Variants in KDM2B observed in about 807,000 individuals in gnomAD.
The protein encoded by KDM2B is lysine-specific demethylase 2B.
KDM2B carries 26 observed loss-of-function variants against 150.0 expected under a neutral mutation model. The observed-to-expected ratio is 0.17, with a 90% CI of 0.13 to 0.24. The LOEUF (loss-of-function observed/expected upper bound fraction) is 0.24. KDM2B is among the 10% of genes least tolerant of loss of function. KDM2B has a pLI of 1.00. For synonymous variants in KDM2B, 734 were observed against 729.5 expected, an observed-to-expected ratio of 1.01 and a Z score of -0.10; for missense variants, 1,265 against 1,816.9, an observed-to-expected ratio of 0.70 and a Z score of 5.52.
At chr12:121,493,240 C>A (rs1883555960) in intron 12 of KDM2B, among the ~76,000 whole-genome samples, 1 of 151,454 alleles carries the variant, frequency 6.6e-6, no homozygotes, top group African/African-American at 2.4e-5. Context: ...AAAAAAACCC[C>A]AAAAAAATCA....
At chr12:121,414,260 A>T in the KDM2B span, among the ~76,000 whole-genome samples, 1 of 152,256 alleles carries the variant, frequency 6.6e-6, no homozygotes, top group Non-Finnish European at 1.5e-5. Flanking sequence ...CTCGACTTCC[A>T]TTACCTATCA....
intron 4 of KDM2B, among the ~76,000 whole-genome samples, chr12:121,564,285 G>A (rs953583928): frequency 4.0e-5 from 6 of 151,506 alleles, no homozygotes; most frequent in Non-Finnish European, 5.9e-5. Context: ...GTGAAACCCC[G>A]TCTCTACTAA....
At chr12:121,421,371 T>TAAAAAAAAA in the KDM2B span, among the ~76,000 whole-genome samples, 4 of 46,364 alleles carry the variant, frequency 8.6e-5, no homozygotes, top group Non-Finnish European at 1.8e-4. Context: ...ATCCCATCTC[T>TAAAAAAAAA]AAAAAAAAAA....
At chr12:121,500,960 G>C (rs1555301833) in intron 11 of KDM2B, among the ~76,000 whole-genome samples, 1 of 152,128 alleles carries the variant, frequency 6.6e-6, no homozygotes, top group African/African-American at 2.4e-5. Flanking sequence ...AATTAGCCAG[G>C]CATGGCGGCA....
At chr12:121,432,645 G>T (rs1290119949) in intron 22 of KDM2B, among the ~76,000 whole-genome samples, 3 of 152,126 alleles carry the variant, frequency 2.0e-5, no homozygotes, top group African/African-American at 7.2e-5. Context: ...TATCCCAGAG[G>T]CTTGCTTAGA....
At chr12:121,548,367 G>A (rs185728429) in intron 6 of KDM2B, among the ~76,000 whole-genome samples, 1 of 152,360 alleles carries the variant, frequency 6.6e-6, no homozygotes, top group East Asian at 1.9e-4. Flanking sequence ...AGGTGAGCAG[G>A]TGGCCCCTGG....
intron 22 of KDM2B, among the ~76,000 whole-genome samples, chr12:121,435,637 G>T (rs1401041196): frequency 1.3e-5 from 2 of 152,028 alleles, no homozygotes; most frequent in Non-Finnish European, 2.9e-5. Flanking sequence ...AGAAATTAGG[G>T]GTGCCCACTC....
At chr12:121,486,794 A>AATAATC (rs1224017310) in intron 12 of KDM2B, among the ~76,000 whole-genome samples, 1 of 151,746 alleles carries the variant, frequency 6.6e-6, no homozygotes, top group East Asian at 1.9e-4. Context: ...CTCCAATAAT[A>AATAATC]ATAATCATAA....
chr12:121,415,824 C>G, the KDM2B span, among the ~76,000 whole-genome samples: 2 of 143,736 alleles, frequency 1.4e-5, no homozygotes, highest in African/African-American at 5.1e-5. Flanking sequence ...TACCACAGGA[C>G]AGACTTTTGT....
Position 121,509,607 on chromosome 12 carries a change from T to C in KDM2B, c.1607A>G (p.Glu536Gly). ...GAGTGCCTGGGGGTCCTCGATGCCC[T>C]CGGGGACACACTTCTTGTTCTCCGG... The part of the protein sequence containing the change: ...SLPENKKCVP[E>G]GIEDPQALLE... Residue 536 changes from glutamate (E) to glycine (G), a missense_variant, in exon 11 of 23, where the codon GAG becomes GGG. This residue lies in a region of KDM2B where 20 missense variants were observed against 49.5 expected (regional missense o/e 0.40). Transcript: ENST00000377071. 1 of 1,613,572 alleles carries C rather than the reference T, an allele frequency of 6.2e-7. No individual in the cohort carries two copies. The highest frequency in any genetic ancestry group is 8.5e-7 in the Non-Finnish European group (1 of 1,179,964).
chr12:121,555,012 C>T (rs1889792344), intron 4 of KDM2B, among the ~76,000 whole-genome samples: 1 of 151,966 alleles, frequency 6.6e-6, no homozygotes, highest in Admixed American at 6.6e-5. Flanking sequence ...ATGTCAAGAC[C>T]CCATCTCTAC....
chr12:121,420,107 C>A, the KDM2B span: 1 of 761,176 alleles, frequency 1.3e-6, no homozygotes, highest in Non-Finnish European at 2.1e-6. Flanking sequence ...TTGGAAGGGT[C>A]AGCAGCATTC....
At chr12:121,425,306 CAAAAAAAAAA>C (rs562993599), downstream of KDM2B, among the ~76,000 whole-genome samples, 1 of 79,148 alleles carries the variant, frequency 1.3e-5, no homozygotes, top group Non-Finnish European at 3.3e-5. Flanking sequence ...AACTCCGTCT[CAAAAAAAAAA>C]AAAAAAAAAG....
chr12:121,478,654 C>CAGCTG (rs1379795754), intron 12 of KDM2B, among the ~76,000 whole-genome samples: 87 of 152,028 alleles, frequency 5.7e-4, no homozygotes, highest in African/African-American at 2.1e-3. Context: ...CCACTGCGCC[C>CAGCTG]AGCTGACCCC....
At chr12:121,526,276 C>T (rs1887123645) in intron 8 of KDM2B, among the ~76,000 whole-genome samples, 1 of 152,084 alleles carries the variant, frequency 6.6e-6, no homozygotes, top group South Asian at 2.1e-4. Context: ...TCACTTGAAC[C>T]CAGGAGGTAA....
At chr12:121,420,375 C>A in the KDM2B span, 1 of 1,554,374 alleles carries the variant, frequency 6.4e-7, no homozygotes, top group Non-Finnish European at 8.7e-7. Flanking sequence ...GACATGTCAG[C>A]CTGACAGGAA....
intron 22 of KDM2B, chr12:121,433,286 A>G (rs1593705596): frequency 4.6e-6 from 2 of 436,120 alleles, no homozygotes; most frequent in East Asian, 1.4e-4. Flanking sequence ...TTCCACAGGC[A>G]GGCTGACAGA....
chr12:121,509,026 C>A (rs766386442), intron 11 of KDM2B, among the ~76,000 whole-genome samples: 2 of 152,070 alleles, frequency 1.3e-5, no homozygotes, highest in Non-Finnish European at 2.9e-5. Flanking sequence ...AACTCGTCAG[C>A]CACAGAGTGA....
intron 9 of KDM2B, among the ~76,000 whole-genome samples, chr12:121,514,638 C>A (rs903681926): frequency 6.6e-6 from 1 of 151,606 alleles, no homozygotes; most frequent in East Asian, 1.9e-4. Context: ...CCCTCCTCCC[C>A]TCCCTGATCC....
Sources: gnomAD v4.1 joint callset for allele counts (sites outside exome capture counted in the v4.1 genomes callset) on GRCh38, gnomAD v4.1.1 for gene constraint, gnomAD v4.1.1 regional missense constraint, MANE v1.5 for transcripts, NCBI Gene and HGNC (gene_info 2026-07-23, HGNC 2026-07-21) for gene names.